CEACAM7: variants seen among roughly 807,000 people sequenced by gnomAD.
CEACAM7 encodes CEA cell adhesion molecule 7, also known as cell adhesion molecule CEACAM7.
A neutral mutation model predicts 25.7 loss-of-function variants in CEACAM7; 24 were observed. The observed-to-expected ratio is 0.93, with a 90% CI of 0.68 to 1.31. The LOEUF (loss-of-function observed/expected upper bound fraction) is 1.31. CEACAM7 is among the 40% of genes most tolerant of loss of function. The pLI is 0.00. For missense variants in CEACAM7, 324 were observed against 330.1 expected (o/e 0.98, Z 0.14); for synonymous variants, 144 against 129.4 (o/e 1.11, Z -0.77).
At chr19:41,678,327 ATATG>A (rs2072137800) in intron 3 of CEACAM7, among the ~76,000 whole-genome samples, 1 of 146,410 alleles carries the variant, frequency 6.8e-6, no homozygotes, top group African/African-American at 2.5e-5. Context: ...ATGTATATGT[ATATG>A]TATATGTATA....
chr19:41,673,728 A>G lies in CEACAM7; in HGVS notation c.*1048T>C, dbSNP rs1424934451. ...GGCATTAACACTACTGTCAGTTACC[A>G]TCATTTTGGACTTCCATCATTCATA... On this transcript the variant is annotated 3_prime_UTR_variant, in exon 5 of 5. Transcript: ENST00000401731. 2 of 152,230 alleles carry G rather than the reference A, an allele frequency of 1.3e-5. No individual in the cohort carries two copies. Among genetic ancestry groups the G allele is most frequent in the African/African-American group, 4.8e-5 (2 of 41,462 alleles). The allele number at this position is 152,230 out of a possible 1,614,324, so 9.4% of individuals were successfully genotyped here.
In CEACAM7 at chr19:41,673,758, A is replaced by G. The variant is rs2122709207; in HGVS notation, c.*1018T>C. ...TTTGGACTTCCATCATTCATAGGTT[A>G]TGATGTCCTCCTAATCATACATTTA... is the stretch of plus-strand genomic sequence containing the variant. On this transcript the variant is annotated 3_prime_UTR_variant, in exon 5 of 5. Coordinates refer to ENST00000401731, the MANE Select transcript of CEACAM7 (RefSeq NM_001291485.2). 1 of 152,368 alleles carries G rather than the reference A, an allele frequency of 6.6e-6. No homozygotes were observed. Among genetic ancestry groups the G allele is most frequent in the African/African-American group, 2.4e-5 (1 of 41,592 alleles). 9.4% of individuals were successfully genotyped at this position (152,368 alleles called of 1,614,324 possible). A position where few individuals can be genotyped will look rare whatever the true frequency, so the allele number is the denominator to read the frequency against.
At position 41,674,585 on chromosome 19, in the gene CEACAM7, A is replaced by G. The variant is rs1329759562; in HGVS notation, c.*191T>C. The G allele has an allele frequency of 9.9e-6, 3 of 301,856 alleles. No individual in the cohort carries two copies. Among genetic ancestry groups the G allele is most frequent in the Non-Finnish European group, 1.9e-5 (3 of 155,196 alleles). 18.7% of individuals were successfully genotyped at this position (301,856 alleles called of 1,614,324 possible). On this transcript the variant is annotated 3_prime_UTR_variant, in exon 5 of 5. Coordinates refer to ENST00000401731, the MANE Select transcript of CEACAM7 (RefSeq NM_001291485.2). Reference sequence around the variant, plus strand: ...GTGTTGAACATTTTGGTTAGCTCTGAGTGGCCCACATCTCAGGCATGAGGG... The same window carrying G: ...GTGTTGAACATTTTGGTTAGCTCTGGGTGGCCCACATCTCAGGCATGAGGG...
rs1555811293 is a variant in CEACAM7 at position 41,687,122 on chromosome 19, A to G, written c.164T>C (p.Val55Ala). 6.2e-7 allele frequency: 1 copy of G among 1,614,120 alleles called. No individual in the cohort carries two copies. Among genetic ancestry groups the G allele is most frequent in the Non-Finnish European group, 8.5e-7 (1 of 1,180,004 alleles). The change falls in exon 2 of 5, where the codon GTC (valine) becomes GCC (alanine). Residue 55 changes from valine to alanine, a missense_variant. Transcript: ENST00000401731. ...ATAAAGATTCTGGGACTCATTATGGACTACTAGAAGGACCTCCTTCCCTTC... is the reference window on the plus strand; with the variant it reads ...ATAAAGATTCTGGGACTCATTATGGGCTACTAGAAGGACCTCCTTCCCTTC... ...VAEGKEVLLV[V>A]HNESQNLYGY...
chr19:41,678,025 G>A (rs1395111824), intron 3 of CEACAM7, among the ~76,000 whole-genome samples: 1 of 152,140 alleles, frequency 6.6e-6, no homozygotes, highest in Non-Finnish European at 1.5e-5. Flanking sequence ...GAACTGCACT[G>A]CAATCTAAAA....
rs782811857 is a variant in CEACAM7, at chr19:41,686,820, T to A, written c.427+39A>T. The A allele has an allele frequency of 1.2e-5, 18 of 1,514,326 alleles. No individual in the cohort carries two copies. The South Asian group carries it at 2.1e-4, about 17-fold the overall frequency. The allele number at this position is 1,514,326 out of a possible 1,614,324, so 93.8% of individuals were successfully genotyped here. A position where few individuals can be genotyped will look rare whatever the true frequency, so the allele number is the denominator to read the frequency against. On this transcript the variant is annotated intron_variant, in intron 2 of 4. Coordinates refer to ENST00000401731, the MANE Select transcript of CEACAM7 (RefSeq NM_001291485.2). The stretch of plus-strand genomic sequence containing the variant: ...CAACCCCGTGTGTATGAAGTAGAAC[T>A]GGCCCCCAGCACCCAGAAGTCATGG...
rs2072084469 is a variant in CEACAM7 at position 41,673,372 on chromosome 19, A to G, written c.*1404T>C. The stretch of plus-strand genomic sequence containing the variant: ...AGTTTCCATTCTGCAAAATATAGTG[A>G]TAGCTCCTACTGGGCAATACAACAG... On this transcript the variant is annotated 3_prime_UTR_variant, in exon 5 of 5. Transcript: ENST00000401731. The G allele has an allele frequency of 6.6e-6, 1 of 152,354 alleles. No individual in the cohort carries two copies. The highest frequency in any genetic ancestry group is 2.1e-4 in the South Asian group (1 of 4,822). The allele number at this position is 152,354 out of a possible 1,614,324, so 9.4% of individuals were successfully genotyped here.
Position 41,687,097 on chromosome 19 carries a change from A to T in CEACAM7, c.189T>A (p.Tyr63Ter). 6.2e-7 allele frequency: 1 copy of T among 1,614,148 alleles called. No individual in the cohort carries two copies. Residue 63 changes from tyrosine to a stop codon, truncating the protein, a stop_gained, in exon 2 of 5, where the codon TAT (tyrosine) becomes TAA (stop). Coordinates refer to ENST00000401731, the MANE Select transcript of CEACAM7 (RefSeq NM_001291485.2). LOFTEE classifies it high-confidence loss of function. ...TTTCCCCTTTGTACCAGTTGTAGCC[A>T]TAAAGATTCTGGGACTCATTATGGA... is the stretch of plus-strand genomic sequence containing the variant. The part of the protein sequence containing the change: ...LVVHNESQNL[Y>*]GYNWYKGERV...
intron 2 of CEACAM7, among the ~76,000 whole-genome samples, chr19:41,685,392 C>T (rs2072216643): frequency 6.6e-6 from 1 of 151,984 alleles, no homozygotes; most frequent in South Asian, 2.1e-4. Flanking sequence ...CCTCCTGTCT[C>T]AGTCTCCCAC....
At chr19:41,681,975 T>C (rs1184652351) in intron 3 of CEACAM7, among the ~76,000 whole-genome samples, 1 of 152,178 alleles carries the variant, frequency 6.6e-6, no homozygotes, top group East Asian at 1.9e-4. Flanking sequence ...AGACAGGGTC[T>C]CACTCTGTCA....
intron 2 of CEACAM7, among the ~76,000 whole-genome samples, chr19:41,685,282 A>T (rs2072215606): frequency 6.6e-6 from 1 of 151,664 alleles, no homozygotes; most frequent in African/African-American, 2.4e-5. Context: ...GCATTTACAC[A>T]GTCATGAGAC....
intron 3 of CEACAM7, 82 bp downstream of exon 3, chr19:41,683,703 T>C: frequency 6.4e-7 from 1 of 1,562,072 alleles, no homozygotes; most frequent in Non-Finnish European, 8.7e-7. Flanking sequence ...TACTTGGACC[T>C]GAGAGGGACT....
rs1366096008 is a variant in CEACAM7 at position 41,688,216 on chromosome 19, A to G, written c.-51T>C. On this transcript the variant is annotated 5_prime_UTR_variant, in exon 1 of 5. Transcript: ENST00000401731. ...GTGGAGAAGAGCTTGGGCTCCAGGAACTCTCTTGTCAGGGCTGCTGTGACT... is the reference window on the plus strand; with the variant it reads ...GTGGAGAAGAGCTTGGGCTCCAGGAGCTCTCTTGTCAGGGCTGCTGTGACT... 18 of 1,590,402 alleles carry G rather than the reference A, an allele frequency of 1.1e-5. No individual in the cohort carries two copies. The highest frequency in any genetic ancestry group is 1.4e-5 in the Non-Finnish European group (16 of 1,167,968).
chr19:41,687,607 G>A lies in CEACAM7; in HGVS notation c.65-386C>T, dbSNP rs538709161. ...CTGGCTTCACATTCTAGATCTCTTT[G>A]CCTGTCTGTCTTCTGCCGCATGAGA... On this transcript the variant is annotated intron_variant, in intron 1 of 4. Coordinates refer to ENST00000401731, the MANE Select transcript of CEACAM7 (RefSeq NM_001291485.2). Among the ~76,000 whole-genome samples, 4 of 152,292 alleles carry A rather than the reference G, an allele frequency of 2.6e-5. No individual in the cohort carries two copies. In the East Asian group the frequency reaches 7.7e-4, roughly 29 times the overall value.
intron 1 of CEACAM7, 113 bp downstream of exon 1, chr19:41,687,989 A>G: frequency 1.3e-6 from 1 of 795,264 alleles, no homozygotes; most frequent in South Asian, 2.2e-5. Context: ...TCCTCTCCCA[A>G]AGGACTTCAA....
intron 3 of CEACAM7, among the ~76,000 whole-genome samples, chr19:41,680,272 G>A (rs1214680211): frequency 1.3e-5 from 2 of 152,070 alleles, no homozygotes; most frequent in African/African-American, 2.4e-5. Flanking sequence ...ATTATAAAAT[G>A]CAGCTGAAAG....
At chr19:41,680,684 T>C (rs1211287226) in intron 3 of CEACAM7, among the ~76,000 whole-genome samples, 1 of 152,192 alleles carries the variant, frequency 6.6e-6, no homozygotes, top group Middle Eastern at 3.2e-3. Flanking sequence ...ACAAATGATA[T>C]TGGGACAGCT....
intron 2 of CEACAM7, among the ~76,000 whole-genome samples, chr19:41,685,034 T>A (rs1451968430): frequency 6.6e-6 from 1 of 152,140 alleles, no homozygotes; most frequent in African/African-American, 2.4e-5. Flanking sequence ...CACAGGTGTA[T>A]GCGGAATGGA....
At chr19:41,681,203 T>C (rs2072171674) in intron 3 of CEACAM7, among the ~76,000 whole-genome samples, 1 of 152,030 alleles carries the variant, frequency 6.6e-6, no homozygotes. Flanking sequence ...GATATGCAAA[T>C]CAGAACCACA....
Sources: gnomAD v4.1 joint callset for allele counts (sites outside exome capture counted in the v4.1 genomes callset) on GRCh38, gnomAD v4.1.1 for gene constraint, MANE v1.5 for transcripts, NCBI Gene and HGNC (gene_info 2026-07-23, HGNC 2026-07-21) for gene names.